SH3PXD2A: variants seen among roughly 807,000 people sequenced by gnomAD.
SH3PXD2A encodes the protein SH3 and PX domains 2A.
SH3PXD2A carries 32 observed loss-of-function variants against 115.2 expected under a neutral mutation model. The observed-to-expected ratio is 0.28, with a 90% CI of 0.21 to 0.37. The LOEUF is 0.37. SH3PXD2A is among the 10% of genes least tolerant of loss of function. The probability of loss-of-function intolerance (pLI) is 1.00; values close to 1 mark genes in which losing one functional copy is unlikely to be tolerated. For synonymous variants in SH3PXD2A, 610 were observed against 629.1 expected (o/e 0.97, Z 0.45); for missense variants, 1,328 against 1,498.7 (o/e 0.89, Z 1.88).
At position 103,595,762 on chromosome 10, in the gene SH3PXD2A, GA is replaced by G. The variant is rs901648902; in HGVS notation, c.*6053del. On this transcript the variant is annotated 3_prime_UTR_variant, in exon 15 of 15. Transcript: ENST00000369774. ...TAAAAAGACAGGATTGGGGAAGGGG[GA>G]TTGCATGCTAATCCCAACCTTATAG... 5 of 152,702 alleles carry G rather than the reference GA, an allele frequency of 3.3e-5. No individual in the cohort carries two copies. The highest frequency in any genetic ancestry group is 5.9e-5 in the Non-Finnish European group (4 of 68,092). 9.5% of individuals were successfully genotyped at this position (152,702 alleles called of 1,614,324 possible).
intron 5 of SH3PXD2A, among the ~76,000 whole-genome samples, chr10:103,697,990 C>T (rs2037844964): frequency 6.6e-6 from 1 of 152,190 alleles, no homozygotes; most frequent in African/African-American, 2.4e-5. Context: ...AGGTCTGAGG[C>T]TTCAGTGGCT....
chr10:103,644,682 A>C (rs2037010175), intron 8 of SH3PXD2A, among the ~76,000 whole-genome samples: 1 of 151,960 alleles, frequency 6.6e-6, no homozygotes, highest in Non-Finnish European at 1.5e-5. Context: ...ACTCCTAACT[A>C]TCCCCAGTAG....
At chr10:103,813,923 C>T (rs1225610672) in intron 1 of SH3PXD2A, among the ~76,000 whole-genome samples, 1 of 151,574 alleles carries the variant, frequency 6.6e-6, no homozygotes, top group East Asian at 1.9e-4. Context: ...TAAGAGCTCC[C>T]CAGGTGGGTC....
intron 3 of SH3PXD2A, among the ~76,000 whole-genome samples, chr10:103,763,412 C>G (rs989315636): frequency 1.3e-5 from 2 of 152,232 alleles, no homozygotes; most frequent in Admixed American, 6.5e-5. Flanking sequence ...GCTTCCACCC[C>G]TTGGGATTTC....
At chr10:103,672,306 G>T (rs1178555132) in intron 6 of SH3PXD2A, among the ~76,000 whole-genome samples, 2 of 152,078 alleles carry the variant, frequency 1.3e-5, no homozygotes, top group Non-Finnish European at 2.9e-5. Context: ...AAATACTCCG[G>T]GCCTCAGTGC....
chr10:103,714,658 T>C (rs1589425737), intron 5 of SH3PXD2A, among the ~76,000 whole-genome samples: 1 of 152,076 alleles, frequency 6.6e-6, no homozygotes, highest in Non-Finnish European at 1.5e-5. Context: ...ATGGACAAGG[T>C]TTATTTATCT....
intron 8 of SH3PXD2A, among the ~76,000 whole-genome samples, chr10:103,658,647 A>C (rs2037246061): frequency 6.6e-6 from 1 of 152,230 alleles, no homozygotes; most frequent in South Asian, 2.1e-4. Flanking sequence ...AGGTAGGCAC[A>C]GCACTGCAGG....
chr10:103,825,999 G>C (rs559609146), intron 1 of SH3PXD2A, among the ~76,000 whole-genome samples: 1 of 152,060 alleles, frequency 6.6e-6, no homozygotes. Context: ...TCCTGACCTC[G>C]TGATCGGCCC....
At chr10:103,651,067 C>T (rs748891501) in intron 8 of SH3PXD2A, among the ~76,000 whole-genome samples, 26 of 152,034 alleles carry the variant, frequency 1.7e-4, no homozygotes, top group Non-Finnish European at 3.2e-4. Flanking sequence ...GGTAGGGGTG[C>T]GGAAGGAGAG....
At chr10:103,640,757 G>A (rs1335007222) in intron 8 of SH3PXD2A, among the ~76,000 whole-genome samples, 2 of 152,132 alleles carry the variant, frequency 1.3e-5, no homozygotes, top group Non-Finnish European at 2.9e-5. Context: ...AGCCTGGGAA[G>A]GGGCTCTGCA....
chr10:103,836,707 C>CACACA (rs1564900995), intron 1 of SH3PXD2A, among the ~76,000 whole-genome samples: 6 of 59,130 alleles, frequency 1.0e-4, no homozygotes, highest in African/African-American at 2.5e-4. Flanking sequence ...ACACACACAC[C>CACACA]CCTTCTTTTC....
At chr10:103,672,099 A>G (rs1357563595) in intron 6 of SH3PXD2A, among the ~76,000 whole-genome samples, 1 of 152,208 alleles carries the variant, frequency 6.6e-6, no homozygotes, top group African/African-American at 2.4e-5. Flanking sequence ...AGCCTGGCCA[A>G]CATGGCGAAA....
intron 4 of SH3PXD2A, among the ~76,000 whole-genome samples, chr10:103,733,801 G>C (rs539679139): frequency 6.6e-6 from 1 of 151,952 alleles, no homozygotes; most frequent in African/African-American, 2.4e-5. Context: ...GGACAGGATC[G>C]TTCCCTGTTA....
intron 2 of SH3PXD2A, among the ~76,000 whole-genome samples, chr10:103,771,164 T>C (rs1399601046): frequency 6.6e-6 from 1 of 152,180 alleles, no homozygotes; most frequent in Non-Finnish European, 1.5e-5. Flanking sequence ...GACCCGCTAT[T>C]CCACCACAAG....
intron 6 of SH3PXD2A, chr10:103,678,099 C>G: frequency 7.8e-7 from 1 of 1,287,704 alleles, no homozygotes; most frequent in African/African-American, 1.5e-5. Flanking sequence ...AGTACAGTCT[C>G]TGGCAGGATG....
At chr10:103,612,024 G>A (rs1434345860) in intron 12 of SH3PXD2A, among the ~76,000 whole-genome samples, 1 of 152,192 alleles carries the variant, frequency 6.6e-6, no homozygotes, top group Non-Finnish European at 1.5e-5. Flanking sequence ...AAGAGGAGGT[G>A]CCCAATAACT....
intron 3 of SH3PXD2A, among the ~76,000 whole-genome samples, chr10:103,739,545 G>C (rs190621170): frequency 2.6e-4 from 39 of 152,182 alleles, no homozygotes; most frequent in Middle Eastern, 3.4e-3. Flanking sequence ...AAGCCAAACC[G>C]GTGACCGTAT....
intron 4 of SH3PXD2A, among the ~76,000 whole-genome samples, chr10:103,730,232 CTTTTTTTTTTTTTT>C (rs67561170): frequency 8.5e-6 from 1 of 118,268 alleles, no homozygotes; most frequent in Non-Finnish European, 1.8e-5. Flanking sequence ...TTTCTCGTTT[CTTTTTTTTTTTTTT>C]TTTTTGCTCC....
chr10:103,796,228 T>C (rs2039087076), intron 2 of SH3PXD2A, among the ~76,000 whole-genome samples: 1 of 151,716 alleles, frequency 6.6e-6, no homozygotes. Context: ...CTAGTCATAG[T>C]GGCATGCATC....
Sources: allele counts gnomAD v4.1 joint callset (sites outside exome capture counted in the v4.1 genomes callset), GRCh38; gene constraint gnomAD v4.1.1; transcripts MANE v1.5; gene names NCBI Gene and HGNC (gene_info 2026-07-23, HGNC 2026-07-21).